The following LPP variants were observed in gnomAD, a reference collection of about 807,000 sequenced individuals.
LPP encodes the protein lipoma-preferred partner.
In LPP, 38 loss-of-function variants were observed where a neutral mutation model predicts 60.4. That is an observed-to-expected ratio of 0.63 (90% CI 0.49 to 0.83). The LOEUF is 0.83. LPP is among the 40% of genes least tolerant of loss of function. The pLI is 0.00. For synonymous variants in LPP, 328 were observed against 290.8 expected (o/e 1.13, Z -1.30); for missense variants, 902 against 783.6 (o/e 1.15, Z -1.80).
At position 188,524,573 on chromosome 3, in the gene LPP, G is replaced by A. The variant is rs578129167; in HGVS notation, c.307-92G>A. On this transcript the variant is annotated intron_variant, in intron 5 of 11. Transcript: ENST00000617246. Reference sequence around the variant, plus strand: ...AAAAAAAAGAGGTGCAGAAAAACTTGGACAAAGCCACATTATAACTTGAGA... The same window carrying A: ...AAAAAAAAGAGGTGCAGAAAAACTTAGACAAAGCCACATTATAACTTGAGA... 12 of 1,351,222 alleles carry A rather than the reference G, an allele frequency of 8.9e-6. No individual in the cohort carries two copies. In the East Asian group the frequency reaches 2.8e-4, roughly 31 times the overall value. 83.7% of individuals were successfully genotyped at this position (1,351,222 alleles called of 1,614,324 possible).
chr3:188,419,663 G>T (rs532283545), intron 4 of LPP, among the ~76,000 whole-genome samples: 4 of 152,088 alleles, frequency 2.6e-5, no homozygotes, highest in Non-Finnish European at 4.4e-5. Flanking sequence ...GAGGCCAAGG[G>T]TGGATCACCT....
chr3:188,277,661 G>A (rs912180328), intron 2 of LPP, among the ~76,000 whole-genome samples: 1 of 152,192 alleles, frequency 6.6e-6, no homozygotes, highest in African/African-American at 2.4e-5. Flanking sequence ...GTGTTAAAGT[G>A]TGTTTATGAA....
At chr3:188,541,846 G>A (rs892961963) in intron 6 of LPP, among the ~76,000 whole-genome samples, 6 of 152,022 alleles carry the variant, frequency 3.9e-5, no homozygotes, top group African/African-American at 1.5e-4. Context: ...GCAGTGGGCC[G>A]AGATTGCACC....
chr3:188,320,128 G>A (rs1043643850), intron 2 of LPP, among the ~76,000 whole-genome samples: 10 of 152,210 alleles, frequency 6.6e-5, no homozygotes, highest in Admixed American at 4.6e-4. Flanking sequence ...GTTAATGTGA[G>A]TTATTACTGG....
chr3:188,523,485 G>A (rs1819582156), intron 5 of LPP, among the ~76,000 whole-genome samples: 1 of 152,202 alleles, frequency 6.6e-6, no homozygotes, highest in Non-Finnish European at 1.5e-5. Flanking sequence ...TACGGAACTA[G>A]TGGTCTTCAC....
intron 1 of LPP, among the ~76,000 whole-genome samples, chr3:188,193,848 T>A (rs955754993): frequency 5.9e-5 from 9 of 152,254 alleles, no homozygotes; most frequent in African/African-American, 2.2e-4. Context: ...GTGCAGCCTA[T>A]GCATCAATGG....
chr3:188,760,409 G>GGTGT (rs3841956), intron 9 of LPP, 127 bp downstream of exon 9: 112,432 of 592,740 alleles, frequency 0.19, 3,327 homozygotes, highest in South Asian at 0.24. Flanking sequence ...GTGTGTGTGG[G>GGTGT]GTGTGTGTGT....
chr3:188,504,610 G>A (rs920342356), intron 5 of LPP, among the ~76,000 whole-genome samples: 30 of 151,970 alleles, frequency 2.0e-4, no homozygotes, highest in African/African-American at 7.3e-4. Context: ...ATTTTGTGGG[G>A]TTATTGTTGC....
intron 1 of LPP, among the ~76,000 whole-genome samples, chr3:188,173,628 G>T (rs1025882279): frequency 6.6e-6 from 1 of 152,148 alleles, no homozygotes; most frequent in African/African-American, 2.4e-5. Context: ...ATGTAATCTG[G>T]AGCAGCTGCG....
At chr3:188,366,758 C>T (rs148700887) in intron 3 of LPP, among the ~76,000 whole-genome samples, 10 of 152,256 alleles carry the variant, frequency 6.6e-5, no homozygotes, top group Middle Eastern at 3.4e-3. Context: ...AGCTCACATG[C>T]GTGTGAGAAA....
chr3:188,581,330 A>G (rs1452364091), intron 6 of LPP, among the ~76,000 whole-genome samples: 1 of 152,146 alleles, frequency 6.6e-6, no homozygotes, highest in African/African-American at 2.4e-5. Flanking sequence ...TACCTCGGGC[A>G]CACTTGGACC....
intron 7 of LPP, among the ~76,000 whole-genome samples, chr3:188,702,687 G>A (rs1179865489): frequency 2.0e-5 from 3 of 152,168 alleles, no homozygotes; most frequent in Non-Finnish European, 1.5e-5. Flanking sequence ...TAAGAGATTC[G>A]GGTATTTCAG....
At chr3:188,392,699 C>G (rs1484598121) in intron 3 of LPP, among the ~76,000 whole-genome samples, 1 of 151,908 alleles carries the variant, frequency 6.6e-6, no homozygotes, top group Non-Finnish European at 1.5e-5. Flanking sequence ...ATTTCCAAAA[C>G]AAGCAGAATG....
intron 6 of LPP, chr3:188,584,507 A>G (rs1301978789): frequency 6.6e-6 from 1 of 151,472 alleles, no homozygotes; most frequent in Admixed American, 6.6e-5. Flanking sequence ...CCCATTTTAG[A>G]TTAGAAAAAT....
At chr3:188,461,334 A>T (rs1243291279) in intron 4 of LPP, among the ~76,000 whole-genome samples, 1 of 152,242 alleles carries the variant, frequency 6.6e-6, no homozygotes, top group East Asian at 1.9e-4. Context: ...TTTAAAAAAT[A>T]AAATTAAAAG....
At chr3:188,334,850 T>C (rs1761204647) in intron 2 of LPP, among the ~76,000 whole-genome samples, 1 of 152,236 alleles carries the variant, frequency 6.6e-6, no homozygotes, top group Non-Finnish European at 1.5e-5. Flanking sequence ...CCAGCGTTTC[T>C]TATTTTTTTT....
intron 9 of LPP, among the ~76,000 whole-genome samples, chr3:188,773,907 C>A (rs1481902272): frequency 6.6e-6 from 1 of 152,156 alleles, no homozygotes; most frequent in African/African-American, 2.4e-5. Flanking sequence ...GAGGAAGAGA[C>A]CTGTCCCAAT....
chr3:188,309,779 G>A (rs1752794331), intron 2 of LPP, among the ~76,000 whole-genome samples: 1 of 152,020 alleles, frequency 6.6e-6, no homozygotes, highest in Admixed American at 6.6e-5. Context: ...GGAAAAATCG[G>A]GATTCATTTA....
At chr3:188,789,120 A>G (rs995767551) in intron 9 of LPP, among the ~76,000 whole-genome samples, 1 of 151,296 alleles carries the variant, frequency 6.6e-6, no homozygotes, top group Non-Finnish European at 1.5e-5. Flanking sequence ...GCAACAATGT[A>G]TTTTTTAATT....
Sources: gnomAD v4.1 joint callset for allele counts (sites outside exome capture counted in the v4.1 genomes callset) on GRCh38, gnomAD v4.1.1 for gene constraint, MANE v1.5 for transcripts, NCBI Gene and HGNC (gene_info 2026-07-23, HGNC 2026-07-21) for gene names.